The following PTPRC variants were observed in gnomAD, a reference collection of about 807,000 sequenced individuals.
PTPRC encodes the protein protein tyrosine phosphatase receptor type C, also known as receptor-type tyrosine-protein phosphatase C.
A neutral mutation model predicts 155.9 loss-of-function variants in PTPRC; 44 were observed. The observed-to-expected ratio is 0.28, with a 90% CI of 0.22 to 0.36. The LOEUF (loss-of-function observed/expected upper bound fraction) is 0.36, where lower values mean the gene tolerates loss of function less well. PTPRC is among the 10% of genes least tolerant of loss of function. The probability of loss-of-function intolerance (pLI) is 1.00; values close to 1 mark genes in which losing one functional copy is unlikely to be tolerated. For missense variants in PTPRC, 1,401 were observed against 1,564.6 expected (o/e 0.90, Z 1.76); for synonymous variants, 525 against 533.1 (o/e 0.98, Z 0.21).
At chr1:198,641,708 C>T (rs892823636) in intron 2 of PTPRC, among the ~76,000 whole-genome samples, 22 of 151,870 alleles carry the variant, frequency 1.4e-4, no homozygotes, top group Non-Finnish European at 1.8e-4. Flanking sequence ...GGTGAGTGTT[C>T]TCTGGTTCTA....
intron 23 of PTPRC, among the ~76,000 whole-genome samples, chr1:198,736,043 T>C (rs1654622141): frequency 6.6e-6 from 1 of 151,600 alleles, no homozygotes; most frequent in South Asian, 2.1e-4. Context: ...ATGAATTTTA[T>C]TTTTAATTTT....
chr1:198,730,256 G>A (rs187674804), intron 17 of PTPRC, among the ~76,000 whole-genome samples: 6 of 152,184 alleles, frequency 3.9e-5, no homozygotes, highest in Admixed American at 3.9e-4. Context: ...GGTAATAGCA[G>A]GTACCAGGTC....
intron 2 of PTPRC, among the ~76,000 whole-genome samples, chr1:198,660,329 G>C (rs1249117201): frequency 1.3e-5 from 2 of 151,736 alleles, no homozygotes; most frequent in Non-Finnish European, 2.9e-5. Flanking sequence ...TGTGTTCAGG[G>C]TTTTATCATA....
At chr1:198,716,370 G>T (rs945742783) in intron 12 of PTPRC, among the ~76,000 whole-genome samples, 1 of 152,198 alleles carries the variant, frequency 6.6e-6, no homozygotes, top group African/African-American at 2.4e-5. Context: ...TACACTGGGG[G>T]CTGTGTTTTC....
Position 198,752,753 on chromosome 1 carries a change from C to A in PTPRC, c.3490C>A (p.Pro1164Thr). ...SEGNKHHKST[P>T]LLIHCRDGSQ... ...AGGGAACAAGCATCACAAGAGTACA[C>A]CTCTACTCATTCACTGCAGGTGCGT... Residue 1164 changes from proline (P) to threonine (T), a missense_variant, in exon 31 of 33, where the codon CCT (proline) becomes ACT (threonine). By Grantham distance (38) the Pro-to-Thr change is conservative. Around this residue, in one of 3 missense-constraint regions of PTPRC, gnomAD observed 400 missense variants for 389.5 expected, o/e 1.03. Coordinates refer to ENST00000442510, the MANE Select transcript of PTPRC (RefSeq NM_002838.5). 6.2e-7 allele frequency: 1 copy of A among 1,612,710 alleles called. No homozygotes were observed. The highest frequency in any genetic ancestry group is 8.5e-7 in the Non-Finnish European group (1 of 1,179,246).
intron 3 of PTPRC, chr1:198,694,316 T>C (rs1666085560): frequency 1.3e-5 from 1 of 74,694 alleles, no homozygotes; most frequent in Non-Finnish European, 1.8e-5. Context: ...CCACTCATAT[T>C]GGGTGGGGGT....
intron 15 of PTPRC, among the ~76,000 whole-genome samples, chr1:198,728,122 C>A (rs1190663184): frequency 1.3e-5 from 2 of 152,116 alleles, no homozygotes; most frequent in African/African-American, 4.8e-5. Context: ...TTCTTACTCT[C>A]CTTAAATATA....
In PTPRC at chr1:198,750,631, G is replaced by T. The variant is rs775237487; in HGVS notation, c.3207+5G>T. Reference sequence around the variant, plus strand: ...GAACTGAAACATGGAGACCAGGTTTGTACTTTTGAGGATTTTCTTTTAAGC... The same window carrying T: ...GAACTGAAACATGGAGACCAGGTTTTTACTTTTGAGGATTTTCTTTTAAGC... On this transcript the variant is annotated splice_donor_5th_base_variant and intron_variant, in intron 29 of 32. Coordinates refer to ENST00000442510, the MANE Select transcript of PTPRC (RefSeq NM_002838.5). 5.0e-6 allele frequency: 8 copies of T among 1,612,192 alleles called. No individual in the cohort carries two copies. The East Asian group carries it at 8.9e-5, about 18-fold the overall frequency.
intron 2 of PTPRC, among the ~76,000 whole-genome samples, chr1:198,652,221 G>T (rs1244016367): frequency 3.3e-5 from 5 of 151,578 alleles, no homozygotes; most frequent in Non-Finnish European, 7.4e-5. Flanking sequence ...TTTTCATGTA[G>T]ATATAAAGCC....
chr1:198,699,349 C>G (rs1666352987), intron 4 of PTPRC, among the ~76,000 whole-genome samples: 1 of 152,216 alleles, frequency 6.6e-6, no homozygotes, highest in African/African-American at 2.4e-5. Context: ...CTGCATCCAG[C>G]TCAGGAAACC....
chr1:198,747,421 G>T (rs1480256782), intron 26 of PTPRC, among the ~76,000 whole-genome samples: 1 of 151,760 alleles, frequency 6.6e-6, no homozygotes, highest in Non-Finnish European at 1.5e-5. Context: ...TTTTGAGGAG[G>T]TTTGTTGTCC....
chr1:198,704,133 G>C (rs116292315), intron 7 of PTPRC, among the ~76,000 whole-genome samples: 1,590 of 152,154 alleles, frequency 0.01, 22 homozygotes, highest in African/African-American at 0.036. Flanking sequence ...TTAACATTGA[G>C]ATTAATCAAA....
At position 198,692,367 on chromosome 1, in the gene PTPRC, C is replaced by T; in HGVS notation, c.94C>T (p.Pro32Ser). 2.0e-6 allele frequency: 3 copies of T among 1,491,328 alleles called. No individual in the cohort carries two copies. Among genetic ancestry groups the T allele is most frequent in the South Asian group, 1.4e-5 (1 of 69,824 alleles). The allele number at this position is 1,491,328 out of a possible 1,614,324, so 92.4% of individuals were successfully genotyped here. A position where few individuals can be genotyped will look rare whatever the true frequency, so the allele number is the denominator to read the frequency against. The part of the protein sequence containing the change: ...FVTGQSPTPS[P>S]TGLTTAKMPS... ...TGCAGGGCAAAGCCCAACACCTTCC[C>T]CCACTGGTAAGAATTAATATTTATA... The change falls in exon 3 of 33, where the codon CCC becomes TCC. Residue 32 changes from proline (P) to serine (S), a missense_variant. By Grantham distance (74) the Pro-to-Ser change is moderately conservative (BLOSUM62 -1). Transcript: ENST00000442510.
Position 198,696,894 on chromosome 1 carries a change from G to A in PTPRC, c.283G>A (p.Ala95Thr). 3 of 1,613,558 alleles carry A rather than the reference G, an allele frequency of 1.9e-6. No individual in the cohort carries two copies. Among genetic ancestry groups the A allele is most frequent in the Non-Finnish European group, 2.5e-6 (3 of 1,179,502 alleles). Residue 95 changes from alanine to threonine, a missense_variant, in exon 4 of 33, where the codon GCT (alanine) becomes ACT (threonine). Ala to Thr is a moderately conservative substitution (Grantham distance 58, BLOSUM62 0). This residue lies in a region of PTPRC where 867 missense variants were observed against 970.4 expected (regional missense o/e 0.89). Coordinates refer to ENST00000442510, the MANE Select transcript of PTPRC (RefSeq NM_002838.5). ...VSPDSLDNAS[A>T]FNTTGVSSVQ... ...CCCGGACTCTTTGGATAATGCTAGT[G>A]CTTTTAATACCACAGGTTGGCACAC...
chr1:198,645,323 G>A (rs1662882977), intron 2 of PTPRC, among the ~76,000 whole-genome samples: 1 of 151,742 alleles, frequency 6.6e-6, no homozygotes, highest in Non-Finnish European at 1.5e-5. Flanking sequence ...TGGCAATACA[G>A]TGTGGCCACT....
At chr1:198,679,930 C>A in intron 2 of PTPRC, 1 of 611,234 alleles carries the variant, frequency 1.6e-6, no homozygotes. Flanking sequence ...CAGCACTTTG[C>A]CCAGCTCGTC....
chr1:198,699,577 A>G lies in PTPRC; in HGVS notation c.312A>G (p.Val104=), dbSNP rs1469521430. The change falls in exon 5 of 33, where the codon GTA becomes GTG. Residue 104 remains valine, a synonymous_variant. Transcript: ENST00000442510. ...SAFNTTGVSS[V]QTPHLPTHAD... is the part of the protein sequence containing the mutation. ...TTCCTACCTTAGGTGTTTCATCAGT[A>G]CAGACGCCTCACCTTCCCACGCACG... is the stretch of plus-strand genomic sequence containing the variant. The G allele has an allele frequency of 1.2e-6, 2 of 1,614,220 alleles. No individual in the cohort carries two copies. Among genetic ancestry groups the G allele is most frequent in the South Asian group, 1.1e-5 (1 of 91,084 alleles).
At position 198,757,412 on chromosome 1, in the gene PTPRC, T is replaced by G. The variant is rs1485536872; in HGVS notation, c.*1231T>G. 6.7e-6 allele frequency: 1 copy of G among 148,724 alleles called. No individual in the cohort carries two copies. The highest frequency in any genetic ancestry group is 1.5e-5 in the Non-Finnish European group (1 of 66,570). The allele number at this position is 148,724 out of a possible 1,614,324, so 9.2% of individuals were successfully genotyped here. A position where few individuals can be genotyped will look rare whatever the true frequency, so the allele number is the denominator to read the frequency against. The stretch of plus-strand genomic sequence containing the variant: ...CCAATAGTCTAATAATTGTTTAAGA[T>G]CTAGAAAAAAAAAATCAAGAATAGT... On this transcript the variant is annotated 3_prime_UTR_variant, in exon 33 of 33. Coordinates refer to ENST00000442510, the MANE Select transcript of PTPRC (RefSeq NM_002838.5).
intron 2 of PTPRC, among the ~76,000 whole-genome samples, chr1:198,664,990 G>T (rs562828670): frequency 6.6e-6 from 1 of 151,748 alleles, no homozygotes; most frequent in East Asian, 1.9e-4. Flanking sequence ...AAAAATCCAG[G>T]TATCCTAATC....
Sources: allele counts gnomAD v4.1 joint callset (sites outside exome capture counted in the v4.1 genomes callset), GRCh38; gene constraint gnomAD v4.1.1; regional missense constraint gnomAD v4.1.1; transcripts MANE v1.5; gene names NCBI Gene and HGNC (gene_info 2026-07-23, HGNC 2026-07-21).